The following COP1 variants were observed in gnomAD, a reference collection of about 807,000 sequenced individuals.
COP1 encodes E3 ubiquitin-protein ligase COP1.
A neutral mutation model predicts 101.3 loss-of-function variants in COP1; 24 were observed. The observed-to-expected ratio is 0.24, with a 90% CI of 0.17 to 0.33. The LOEUF (loss-of-function observed/expected upper bound fraction) is 0.33, where lower values mean the gene tolerates loss of function less well. COP1 is among the 10% of genes least tolerant of loss of function. The pLI is 1.00. For synonymous variants in COP1, 347 were observed against 341.9 expected (o/e 1.01, Z -0.17); for missense variants, 663 against 906.2 (o/e 0.73, Z 3.45).
chr1:175,972,770 A>G (rs927281557), intron 18 of COP1, among the ~76,000 whole-genome samples: 1 of 151,868 alleles, frequency 6.6e-6, no homozygotes, highest in African/African-American at 2.4e-5. Flanking sequence ...CCAGCCAAAA[A>G]TGACAAGAAT....
intron 5 of COP1, among the ~76,000 whole-genome samples, chr1:176,156,051 T>C (rs893550395): frequency 2.7e-4 from 41 of 152,208 alleles, no homozygotes; most frequent in African/African-American, 9.9e-4. Flanking sequence ...TTTTATTTAT[T>C]TATTTTGGTA....
chr1:176,156,585 A>C (rs543461848), intron 5 of COP1, among the ~76,000 whole-genome samples: 1 of 152,308 alleles, frequency 6.6e-6, no homozygotes, highest in East Asian at 1.9e-4. Context: ...GACAGAACTA[A>C]AGTACAAGCA....
intron 19 of COP1, among the ~76,000 whole-genome samples, chr1:175,946,371 G>GCTGA (rs1342691102): frequency 6.6e-6 from 1 of 152,154 alleles, no homozygotes; most frequent in African/African-American, 2.4e-5. Flanking sequence ...TGCTGCCTTG[G>GCTGA]CTGATGGATT....
At chr1:176,154,433 A>G (rs1202270845) in intron 5 of COP1, among the ~76,000 whole-genome samples, 1 of 152,156 alleles carries the variant, frequency 6.6e-6, no homozygotes, top group Non-Finnish European at 1.5e-5. Flanking sequence ...TGTGGTGTAC[A>G]TACACGATAG....
chr1:176,093,967 A>C (rs1384144302), intron 9 of COP1, among the ~76,000 whole-genome samples: 5 of 152,008 alleles, frequency 3.3e-5, no homozygotes, highest in African/African-American at 4.8e-5. Flanking sequence ...AGGTTGTAGT[A>C]AGCTGAGATT....
intron 1 of COP1, among the ~76,000 whole-genome samples, chr1:176,199,480 C>T (rs971757032): frequency 2.6e-5 from 4 of 152,000 alleles, no homozygotes; most frequent in African/African-American, 9.7e-5. Context: ...AACCTGAATG[C>T]TTACAGAATT....
chr1:176,113,007 A>G (rs1685556050), intron 9 of COP1, among the ~76,000 whole-genome samples: 1 of 152,194 alleles, frequency 6.6e-6, no homozygotes, highest in Non-Finnish European at 1.5e-5. Flanking sequence ...GCTATTGTGA[A>G]TAGTGCTGCA....
chr1:176,097,815 G>T (rs1682681457), intron 9 of COP1, among the ~76,000 whole-genome samples: 1 of 142,984 alleles, frequency 7.0e-6, no homozygotes, highest in African/African-American at 2.6e-5. Flanking sequence ...GTTGCAGTGA[G>T]TCGAGATCAT....
chr1:175,953,694 T>C (rs1442209286), intron 18 of COP1, among the ~76,000 whole-genome samples: 1 of 151,270 alleles, frequency 6.6e-6, no homozygotes, highest in Non-Finnish European at 1.5e-5. Flanking sequence ...TCAGAAAAAG[T>C]AGACTTCAGG....
Position 176,149,030 on chromosome 1 carries a change from C to A in COP1, c.807G>T (p.Lys269Asn). The A allele has an allele frequency of 6.3e-7, 1 of 1,585,998 alleles. No individual in the cohort carries two copies. Among genetic ancestry groups the A allele is most frequent in the Non-Finnish European group, 8.6e-7 (1 of 1,161,196 alleles). The change falls in exon 6 of 20, where the codon AAG becomes AAT. Residue 269 changes from lysine to asparagine, a missense_variant. By Grantham distance (94) the Lys-to-Asn change is moderately conservative. Transcript: ENST00000367669. Reference sequence around the variant, plus strand: ...CCTCTCTCTTATTTCTTCTTGCAACCTTGAGGAATTCCATAAGAATCTGTA... The same window carrying A: ...CCTCTCTCTTATTTCTTCTTGCAACATTGAGGAATTCCATAAGAATCTGTA... ...AQLQILMEFL[K>N]VARRNKREQL...
chr1:176,059,025 G>GT (rs1301447949), intron 11 of COP1, among the ~76,000 whole-genome samples: 1 of 152,206 alleles, frequency 6.6e-6, no homozygotes, highest in Non-Finnish European at 1.5e-5. Context: ...GCCTTGCTTT[G>GT]TAACACCAGC....
chr1:176,148,100 A>G (rs937792908), intron 6 of COP1, among the ~76,000 whole-genome samples: 30 of 152,202 alleles, frequency 2.0e-4, no homozygotes, highest in African/African-American at 7.0e-4. Context: ...CTGAGACACA[A>G]GTAAATCTTA....
At position 176,175,965 on chromosome 1, in the gene COP1, A is replaced by G; in HGVS notation, c.510T>C (p.Cys170=). 1.3e-6 allele frequency: 2 copies of G among 1,593,214 alleles called. No homozygotes were observed. Among genetic ancestry groups the G allele is most frequent in the Non-Finnish European group, 1.7e-6 (2 of 1,163,074 alleles). Residue 170 remains cysteine, a synonymous_variant, in exon 3 of 20, where the codon TGT becomes TGC. Transcript: ENST00000367669. Reference sequence around the variant, plus strand: ...TGTCCACAACATAGTTACACTTGGGACATCTATTATTGTCCTCCAAACTCT... The same window carrying G: ...TGTCCACAACATAGTTACACTTGGGGCATCTATTATTGTCCTCCAAACTCT... The part of the protein sequence containing the change: ...IHQSLEDNNR[C]PKCNYVVDNI...
At chr1:176,149,682 A>T (rs1692114280) in intron 5 of COP1, among the ~76,000 whole-genome samples, 1 of 152,148 alleles carries the variant, frequency 6.6e-6, no homozygotes, top group Non-Finnish European at 1.5e-5. Context: ...TGAGACAAGG[A>T]TAGAACAGAT....
At chr1:176,153,754 T>C (rs1692999839) in intron 5 of COP1, among the ~76,000 whole-genome samples, 1 of 152,156 alleles carries the variant, frequency 6.6e-6, no homozygotes. Context: ...TATTTTGCGG[T>C]ATGTTCCTTC....
intron 3 of COP1, among the ~76,000 whole-genome samples, chr1:176,165,718 TA>T (rs1487622726): frequency 6.6e-6 from 1 of 151,972 alleles, no homozygotes. Context: ...AGTAAGTAAG[TA>T]AAATCAATAT....
chr1:176,114,226 C>G (rs1685788216), intron 9 of COP1, among the ~76,000 whole-genome samples: 2 of 152,028 alleles, frequency 1.3e-5, no homozygotes, highest in Non-Finnish European at 2.9e-5. Context: ...TCCATTATGT[C>G]TTACAAAAAG....
At chr1:176,134,356 A>G (rs868383875) in intron 8 of COP1, among the ~76,000 whole-genome samples, 3 of 152,046 alleles carry the variant, frequency 2.0e-5, no homozygotes, top group Non-Finnish European at 4.4e-5. Context: ...CAAGATTCAG[A>G]TAGCATATAT....
intron 18 of COP1, 39 bp downstream of exon 18, chr1:175,986,904 A>AT (rs747316205): frequency 8.2e-6 from 12 of 1,470,106 alleles, no homozygotes; most frequent in Non-Finnish European, 1.0e-5. Flanking sequence ...AATGCATAAT[A>AT]TGAGATCCCA....
Sources: allele counts gnomAD v4.1 joint callset (sites outside exome capture counted in the v4.1 genomes callset), GRCh38; gene constraint gnomAD v4.1.1; transcripts MANE v1.5; gene names NCBI Gene and HGNC (gene_info 2026-07-23, HGNC 2026-07-21).